Variants in CACNA1E observed in about 807,000 individuals in gnomAD.
CACNA1E encodes the protein calcium voltage-gated channel subunit alpha1 E, also known as voltage-dependent R-type calcium channel subunit alpha-1E.
In CACNA1E, 40 loss-of-function variants were observed where a neutral mutation model predicts 259.2. The ratio of observed to expected loss-of-function variants is 0.15; its 90% confidence interval spans 0.12 to 0.20. The LOEUF is 0.20. Among genes scored for constraint, CACNA1E ranks in the 10% least tolerant of loss-of-function variants. CACNA1E has a pLI of 1.00. For missense variants in CACNA1E, 1,874 were observed against 3,040.1 expected, an observed-to-expected ratio of 0.62 and a Z score of 9.02; for synonymous variants, 1,104 against 1,138.5, an observed-to-expected ratio of 0.97 and a Z score of 0.61.
chr1:181,388,181 T>C (rs926936697), intron 1 of CACNA1E, among the ~76,000 whole-genome samples: 4 of 152,188 alleles, frequency 2.6e-5, no homozygotes, highest in Non-Finnish European at 5.9e-5. Flanking sequence ...ATGCTAGATG[T>C]TCCACTCCTT....
chr1:181,427,116 C>T (rs555970768), intron 2 of CACNA1E, among the ~76,000 whole-genome samples: 1 of 152,062 alleles, frequency 6.6e-6, no homozygotes, highest in African/African-American at 2.4e-5. Flanking sequence ...CAACCCCTCT[C>T]CATCTCAGTG....
intron 43 of CACNA1E, among the ~76,000 whole-genome samples, chr1:181,787,375 G>T (rs1264861464): frequency 6.6e-6 from 1 of 152,168 alleles, no homozygotes; most frequent in African/African-American, 2.4e-5. Flanking sequence ...CTCCCAAAGT[G>T]CTGGGATTAC....
At chr1:181,790,843 C>T (rs760172495) in intron 44 of CACNA1E, among the ~76,000 whole-genome samples, 3 of 152,178 alleles carry the variant, frequency 2.0e-5, no homozygotes, top group Non-Finnish European at 2.9e-5. Context: ...AGTGTAAGAC[C>T]GGAAGTCACT....
intron 7 of CACNA1E, among the ~76,000 whole-genome samples, chr1:181,690,197 T>C (rs557257757): frequency 6.6e-6 from 1 of 152,354 alleles, no homozygotes; most frequent in South Asian, 2.1e-4. Context: ...TGCATATGAC[T>C]AGCCAGTTTT....
intron 1 of CACNA1E, among the ~76,000 whole-genome samples, chr1:181,325,168 G>A (rs972631344): frequency 2.6e-5 from 4 of 152,228 alleles, no homozygotes; most frequent in African/African-American, 9.6e-5. Flanking sequence ...TGCACCCAGA[G>A]CTGTGAGTCA....
Position 181,755,240 on chromosome 1 carries a change from G to A in CACNA1E, c.3832G>A (p.Val1278Ile), listed in dbSNP as rs2102681735. 6.2e-7 allele frequency: 1 copy of A among 1,613,392 alleles called. No homozygotes were observed. Among genetic ancestry groups the A allele is most frequent in the Non-Finnish European group, 8.5e-7 (1 of 1,179,562 alleles). The change falls in exon 28 of 48, where the codon GTC (valine) becomes ATC (isoleucine). Residue 1278 changes from valine (V) to isoleucine (I), a missense_variant. By Grantham distance (29) the Val-to-Ile change is conservative. This residue lies in a region of CACNA1E where 188 missense variants were observed against 540.6 expected (regional missense o/e 0.35). Transcript: ENST00000367573. ...TIKRLPKLKA[V>I]FDCVVTSLKN... ...GGGCTGTTTGCTCTGTCCACAGGCC[G>A]TCTTCGACTGCGTAGTGACCTCCTT...
At chr1:181,700,025 A>C (rs1376541905) in intron 7 of CACNA1E, among the ~76,000 whole-genome samples, 1 of 152,136 alleles carries the variant, frequency 6.6e-6, no homozygotes, top group East Asian at 1.9e-4. Flanking sequence ...CTTTCAGCAT[A>C]GAGATGATGT....
intron 3 of CACNA1E, among the ~76,000 whole-genome samples, chr1:181,535,378 A>T (rs1470059465): frequency 7.4e-6 from 1 of 135,532 alleles, no homozygotes; most frequent in Admixed American, 7.8e-5. Context: ...GGCAGCAAAG[A>T]GAAAAAATGT....
chr1:181,754,476 G>A (rs1400180694), intron 27 of CACNA1E, among the ~76,000 whole-genome samples: 1 of 152,220 alleles, frequency 6.6e-6, no homozygotes, highest in Non-Finnish European at 1.5e-5. Flanking sequence ...GCCCTGCAAT[G>A]TATTGAATTC....
At chr1:181,446,590 T>G (rs554647926) in intron 2 of CACNA1E, among the ~76,000 whole-genome samples, 1 of 152,200 alleles carries the variant, frequency 6.6e-6, no homozygotes, top group Non-Finnish European at 1.5e-5. Context: ...GTTTACAGCT[T>G]CTTGGCTTGG....
chr1:181,575,904 C>G (rs1284352325), intron 3 of CACNA1E, among the ~76,000 whole-genome samples: 1 of 152,130 alleles, frequency 6.6e-6, no homozygotes, highest in East Asian at 1.9e-4. Flanking sequence ...TTATCTCGCT[C>G]TTTCTCTTTT....
At chr1:181,451,324 G>A (rs992252015) in intron 2 of CACNA1E, among the ~76,000 whole-genome samples, 11 of 152,102 alleles carry the variant, frequency 7.2e-5, no homozygotes, top group South Asian at 2.1e-4. Context: ...CATCCCTTCT[G>A]TGGAGACAGT....
intron 1 of CACNA1E, among the ~76,000 whole-genome samples, chr1:181,365,454 G>C (rs1298829361): frequency 6.6e-6 from 1 of 152,272 alleles, no homozygotes; most frequent in Non-Finnish European, 1.5e-5. Context: ...TTACAGGCAT[G>C]AGTCACTGCA....
rs780589733 is a variant in CACNA1E, at chr1:181,483,794, G to A, written c.50G>A (p.Gly17Glu). The stretch of plus-strand genomic sequence containing the variant: ...GTCGCCAGGCCAGGGTCCGGCGATG[G>A]AGACTCGGACCAGAGCAGGAACCGG... Reference protein sequence around the residue: ...AVVARPGSGDGDSDQSRNRQG... With the variant: ...AVVARPGSGDEDSDQSRNRQG... Residue 17 changes from glycine to glutamate, a missense_variant, in exon 1 of 48, where the codon GGA becomes GAA. Physicochemically the swap from Gly to Glu is moderately conservative, Grantham distance 98. Transcript: ENST00000367573. The A allele has an allele frequency of 3.1e-6, 5 of 1,612,330 alleles. No individual in the cohort carries two copies. In the Admixed American group the frequency reaches 8.3e-5, roughly 27 times the overall value.
At chr1:181,341,076 T>A (rs960272159) in intron 1 of CACNA1E, among the ~76,000 whole-genome samples, 2 of 152,058 alleles carry the variant, frequency 1.3e-5, no homozygotes, top group Non-Finnish European at 1.5e-5. Flanking sequence ...TACCTTCCAG[T>A]CCAGGTTCTT....
At chr1:181,647,040 G>C (rs1658339393) in intron 6 of CACNA1E, among the ~76,000 whole-genome samples, 2 of 152,106 alleles carry the variant, frequency 1.3e-5, no homozygotes, top group African/African-American at 4.8e-5. Context: ...AGCAGCCAGT[G>C]TGCCAGTCTA....
chr1:181,526,680 C>A (rs558966948), intron 3 of CACNA1E, among the ~76,000 whole-genome samples: 5 of 152,268 alleles, frequency 3.3e-5, no homozygotes, highest in African/African-American at 9.6e-5. Flanking sequence ...GACAGCCTGG[C>A]AAGATGCAAG....
intron 7 of CACNA1E, chr1:181,651,672 T>G: frequency 2.3e-6 from 1 of 438,598 alleles, no homozygotes; most frequent in South Asian, 3.0e-5. Flanking sequence ...GGCACAACAC[T>G]GAACACAGTA....
chr1:181,578,007 A>T, intron 4 of CACNA1E, 138 bp downstream of exon 4: 1 of 509,138 alleles, frequency 2.0e-6, no homozygotes. Context: ...AATAGTGGAG[A>T]TGGAGCAATC....
Sources: gnomAD v4.1 joint callset for allele counts (sites outside exome capture counted in the v4.1 genomes callset) on GRCh38, gnomAD v4.1.1 for gene constraint, gnomAD v4.1.1 regional missense constraint, MANE v1.5 for transcripts, NCBI Gene and HGNC (gene_info 2026-07-23, HGNC 2026-07-21) for gene names.